OTUD7B: variants seen among roughly 807,000 people sequenced by gnomAD.
The protein encoded by OTUD7B is OTU deubiquitinase 7B.
In OTUD7B, 34 loss-of-function variants were observed where a neutral mutation model predicts 82.2. The observed-to-expected ratio is 0.41, with a 90% CI of 0.31 to 0.55. The LOEUF (loss-of-function observed/expected upper bound fraction) is 0.55, where lower values mean the gene tolerates loss of function less well. OTUD7B is among the 20% of genes least tolerant of loss of function. The probability of loss-of-function intolerance (pLI) is 0.20; values close to 1 mark genes in which losing one functional copy is unlikely to be tolerated. For missense variants in OTUD7B, 944 were observed against 1,062.1 expected (o/e 0.89, Z 1.55); for synonymous variants, 398 against 402.7 (o/e 0.99, Z 0.14).
At chr1:150,011,509 G>A (rs1341493684), upstream of OTUD7B, among the ~76,000 whole-genome samples, 4 of 152,178 alleles carry the variant, frequency 2.6e-5, no homozygotes, top group African/African-American at 9.7e-5. Context: ...AGCAGAACTT[G>A]TATGTGTCCT....
chr1:149,981,353 A>G (rs1553779611), intron 1 of OTUD7B, among the ~76,000 whole-genome samples: 1 of 152,140 alleles, frequency 6.6e-6, no homozygotes, highest in Non-Finnish European at 1.5e-5. Context: ...TCTGACAGGG[A>G]CCTCATTACT....
chr1:150,043,995 G>A, the OTUD7B span, among the ~76,000 whole-genome samples: 1 of 152,010 alleles, frequency 6.6e-6, no homozygotes, highest in Non-Finnish European at 1.5e-5. Flanking sequence ...GCACGTGCCT[G>A]TAGTCCCAGC....
chr1:150,065,720 CA>C, the OTUD7B span, among the ~76,000 whole-genome samples: 1 of 152,176 alleles, frequency 6.6e-6, no homozygotes, highest in Non-Finnish European at 1.5e-5. Flanking sequence ...TATGGGGATA[CA>C]AAAGAAGTTC....
At chr1:150,062,478 T>C in the OTUD7B span, among the ~76,000 whole-genome samples, 1 of 152,320 alleles carries the variant, frequency 6.6e-6, no homozygotes, top group Non-Finnish European at 1.5e-5. Flanking sequence ...TTCTAATCTT[T>C]TGCCAAGAAA....
At position 149,942,985 on chromosome 1, in the gene OTUD7B, T is replaced by G. The variant is rs1647356882; in HGVS notation, c.*872A>C. ...TCCTCCCACCCCTCCCAAGGTGCAC[T>G]CAAACCCCAACGTATGGTTATTGCT... On this transcript the variant is annotated 3_prime_UTR_variant, in exon 12 of 12. Transcript: ENST00000581312. 6.6e-6 allele frequency: 1 copy of G among 152,540 alleles called. No individual in the cohort carries two copies. The highest frequency in any genetic ancestry group is 6.6e-5 in the Admixed American group (1 of 15,264). The allele number at this position is 152,540 out of a possible 1,614,324, so 9.4% of individuals were successfully genotyped here.
chr1:149,964,124 C>T, intron 6 of OTUD7B, 98 bp downstream of exon 6: 1 of 1,408,572 alleles, frequency 7.1e-7, no homozygotes, highest in South Asian at 1.2e-5. Flanking sequence ...GTCACACTGA[C>T]CTAAACACTT....
At chr1:150,005,642 G>A (rs1652610622) in intron 1 of OTUD7B, among the ~76,000 whole-genome samples, 2 of 137,172 alleles carry the variant, frequency 1.5e-5, no homozygotes, top group African/African-American at 5.6e-5. Context: ...CTTCTTAAAT[G>A]TGGACACTTC....
At chr1:150,059,374 CT>C in the OTUD7B span, among the ~76,000 whole-genome samples, 9 of 117,814 alleles carry the variant, frequency 7.6e-5, no homozygotes, top group Non-Finnish European at 8.2e-5. Flanking sequence ...CATATTCTTT[CT>C]TTTTTTTTTT....
At chr1:149,975,963 G>A (rs587673297) in intron 2 of OTUD7B, among the ~76,000 whole-genome samples, 1 of 152,042 alleles carries the variant, frequency 6.6e-6, no homozygotes, top group Admixed American at 6.5e-5. Context: ...GGAGGTTGTG[G>A]TGAGCCAACA....
intron 1 of OTUD7B, among the ~76,000 whole-genome samples, chr1:149,978,221 A>T (rs1406440231): frequency 6.6e-6 from 1 of 152,188 alleles, no homozygotes; most frequent in Non-Finnish European, 1.5e-5. Flanking sequence ...AAAATACAGT[A>T]TTAGGCCAGG....
chr1:149,996,460 A>G (rs1651931064), intron 1 of OTUD7B, among the ~76,000 whole-genome samples: 1 of 152,238 alleles, frequency 6.6e-6, no homozygotes, highest in Non-Finnish European at 1.5e-5. Flanking sequence ...AAACAGTGGC[A>G]TAATGTAACA....
In OTUD7B at chr1:149,950,095, T is replaced by A. The variant is rs1648071626; in HGVS notation, c.972A>T (p.Glu324Asp). ...ADTMLRDSGG[E>D]AFAPIPFGGI... ...GTGAGGACTGACTGGCTGACTCACC[T>A]TCCCCTCCGGAGTCCCTCAGCATGG... The change falls in exon 8 of 12, where the codon GAA becomes GAT. Residue 324 changes from glutamate to aspartate, a missense_variant and splice_region_variant. Glu to Asp is a conservative substitution (Grantham distance 45). Around this residue, in one of 3 missense-constraint regions of OTUD7B, gnomAD observed 530 missense variants for 625.6 expected, o/e 0.85. Transcript: ENST00000581312. 1 of 1,613,886 alleles carries A rather than the reference T, an allele frequency of 6.2e-7. No homozygotes were observed. Among genetic ancestry groups the A allele is most frequent in the Admixed American group, 1.7e-5 (1 of 60,022 alleles).
chr1:150,056,756 C>A, the OTUD7B span, among the ~76,000 whole-genome samples: 1 of 151,928 alleles, frequency 6.6e-6, no homozygotes, highest in African/African-American at 2.4e-5. Context: ...AAATAAATGA[C>A]TGAATAAATA....
intron 1 of OTUD7B, among the ~76,000 whole-genome samples, chr1:149,983,590 A>T (rs1368664585): frequency 6.6e-6 from 1 of 152,108 alleles, no homozygotes; most frequent in Non-Finnish European, 1.5e-5. Context: ...GAACGCTCCA[A>T]GCAGAGGAAA....
chr1:150,055,015 C>T, the OTUD7B span: 1 of 246,168 alleles, frequency 4.1e-6, no homozygotes, highest in Non-Finnish European at 8.1e-6. Context: ...TGGAATTTAT[C>T]CTTACAAATT....
chr1:149,997,317 T>A (rs1553783663), intron 1 of OTUD7B, among the ~76,000 whole-genome samples: 1 of 152,136 alleles, frequency 6.6e-6, no homozygotes. Context: ...CTGTAAAAAA[T>A]CTCCTATTAG....
intron 1 of OTUD7B, among the ~76,000 whole-genome samples, chr1:150,003,715 G>A (rs369240023): frequency 1.6e-4 from 25 of 152,236 alleles, no homozygotes; most frequent in African/African-American, 5.8e-4. Flanking sequence ...ACATGTTTAG[G>A]TTTAGACGTG....
In OTUD7B at chr1:150,009,956, A is replaced by AC. The variant is rs1559871861; in HGVS notation, c.-67+491_-67+492insG. 1.7e-4 allele frequency among the ~76,000 whole-genome samples: 26 copies of AC among 151,074 alleles called. 1 individual carries two copies. Among genetic ancestry groups the AC allele is most frequent in the African/African-American group, 6.1e-4 (25 of 41,178 alleles). The stretch of plus-strand genomic sequence containing the variant: ...TCTCCCTCTCTCACACACACACACA[A>AC]ACACACACACACACCTTTTTCTCGC... On this transcript the variant is annotated intron_variant, in intron 1 of 11. Transcript: ENST00000581312.
At chr1:149,998,143 A>G (rs1553783769) in intron 1 of OTUD7B, among the ~76,000 whole-genome samples, 1 of 152,064 alleles carries the variant, frequency 6.6e-6, no homozygotes, top group Non-Finnish European at 1.5e-5. Flanking sequence ...ATCAGTTACC[A>G]AATTCCCCTT....
Sources: gnomAD v4.1 joint callset for allele counts (sites outside exome capture counted in the v4.1 genomes callset) on GRCh38, gnomAD v4.1.1 for gene constraint, gnomAD v4.1.1 regional missense constraint, MANE v1.5 for transcripts, NCBI Gene and HGNC (gene_info 2026-07-23, HGNC 2026-07-21) for gene names.